TMTC4: variants seen among roughly 807,000 people sequenced by gnomAD.
TMTC4 encodes the protein protein O-mannosyl-transferase TMTC4.
Under a neutral mutation model 86.0 loss-of-function variants are expected in TMTC4, and 65 were observed. The ratio of observed to expected loss-of-function variants is 0.76; its 90% CI spans 0.62 to 0.93. The LOEUF (loss-of-function observed/expected upper bound fraction) is 0.93, where lower values mean the gene tolerates loss of function less well. Ranked by LOEUF, TMTC4 falls within the 40% of genes least tolerant of loss-of-function variation. TMTC4 has a pLI of 0.00. For synonymous variants in TMTC4, 379 were observed against 382.5 expected (o/e 0.99, Z 0.11); for missense variants, 866 against 948.1 (o/e 0.91, Z 1.14).
intron 1 of TMTC4, chr13:100,673,965 T>A (rs2139093233): frequency 1.1e-6 from 1 of 928,758 alleles, no homozygotes; most frequent in South Asian, 4.9e-5. Flanking sequence ...GTGGGATGAC[T>A]CATAGTGGCT....
At chr13:100,624,361 A>T (rs919291297) in intron 15 of TMTC4, 1 of 149,838 alleles carries the variant, frequency 6.7e-6, no homozygotes, top group African/African-American at 2.4e-5. Context: ...AAATAAAAAA[A>T]AAATAAAAAA....
At chr13:100,644,174 C>T (rs138842979) in intron 6 of TMTC4, among the ~76,000 whole-genome samples, 2,840 of 147,020 alleles carry the variant, frequency 0.019, 34 homozygotes, top group Middle Eastern at 0.047. Context: ...GGCACGATCT[C>T]GGGTCACTGC....
At chr13:100,606,894 G>T (rs976220989) in intron 17 of TMTC4, among the ~76,000 whole-genome samples, 2 of 152,178 alleles carry the variant, frequency 1.3e-5, no homozygotes, top group Non-Finnish European at 2.9e-5. Context: ...CATCTGGAAA[G>T]AATGTGCAGA....
chr13:100,616,827 G>T (rs1365331381), intron 15 of TMTC4, among the ~76,000 whole-genome samples: 2 of 152,150 alleles, frequency 1.3e-5, no homozygotes, highest in African/African-American at 4.8e-5. Flanking sequence ...CTTTTGAGAA[G>T]TGTCTGGTCA....
At chr13:100,656,542 CTT>C (rs35563246) in intron 5 of TMTC4, 74 bp from the exon 6 acceptor site, 13,350 of 378,380 alleles carry the variant, frequency 0.035, no homozygotes, top group South Asian at 0.044. Flanking sequence ...GGAGACATAA[CTT>C]TTTTTTTTTT....
chr13:100,674,476 G>C, intron 1 of TMTC4: 1 of 921,896 alleles, frequency 1.1e-6, no homozygotes, highest in Non-Finnish European at 1.3e-6. Flanking sequence ...AGAAGCTCAG[G>C]GGCCCGAGCG....
intron 1 of TMTC4, 22 bp downstream of exon 1, chr13:100,674,722 C>T (rs1887626027): frequency 2.0e-6 from 2 of 983,406 alleles, no homozygotes; most frequent in Non-Finnish European, 1.2e-6. Context: ...CTCGGCCCTG[C>T]AGGGGCCGCC....
chr13:100,639,339 T>A (rs1361762762), intron 7 of TMTC4, among the ~76,000 whole-genome samples: 1 of 152,250 alleles, frequency 6.6e-6, no homozygotes, highest in African/African-American at 2.4e-5. Flanking sequence ...TTCACCCATG[T>A]GAGACATGAT....
At chr13:100,608,452 CA>C (rs1371432685) in intron 17 of TMTC4, among the ~76,000 whole-genome samples, 1 of 152,074 alleles carries the variant, frequency 6.6e-6, no homozygotes, top group East Asian at 1.9e-4. Flanking sequence ...GCCAGGGCAA[CA>C]AAAACACGAC....
At position 100,642,168 on chromosome 13, in the gene TMTC4, G is replaced by T. The variant is rs753906734; in HGVS notation, c.741+43C>A. 3.7e-6 allele frequency: 6 copies of T among 1,602,220 alleles called. No homozygotes were observed. The East Asian group carries it at 6.7e-5, about 18-fold the overall frequency. On this transcript the variant is annotated intron_variant, in intron 7 of 18. Coordinates refer to ENST00000342624, the MANE Select transcript of TMTC4 (RefSeq NM_032813.5). ...CAGATGTCTTTATAGGAGGGAAAAG[G>T]ACACACAGAAAAAGCAGGCCCCAGC...
chr13:100,643,960 G>C (rs538645505), intron 6 of TMTC4, among the ~76,000 whole-genome samples: 12 of 152,288 alleles, frequency 7.9e-5, no homozygotes, highest in Non-Finnish European at 1.3e-4. Flanking sequence ...AAGTGTTTGT[G>C]TGTGTCCTGC....
At chr13:100,621,188 C>T (rs988383133) in intron 15 of TMTC4, among the ~76,000 whole-genome samples, 2 of 152,204 alleles carry the variant, frequency 1.3e-5, no homozygotes, top group African/African-American at 2.4e-5. Flanking sequence ...TTATATTCTC[C>T]GTTCCTCCCT....
chr13:100,653,809 G>GC (rs1344541976), intron 6 of TMTC4, among the ~76,000 whole-genome samples: 4 of 152,336 alleles, frequency 2.6e-5, no homozygotes, highest in African/African-American at 9.6e-5. Context: ...CTCAAAGCCT[G>GC]CCAGGGCAGG....
chr13:100,646,573 T>C (rs896817069), intron 6 of TMTC4, among the ~76,000 whole-genome samples: 1 of 152,188 alleles, frequency 6.6e-6, no homozygotes, highest in African/African-American at 2.4e-5. Flanking sequence ...TGTTAGATTA[T>C]TCTAAATGCT....
At chr13:100,620,651 G>A (rs143627477) in intron 15 of TMTC4, among the ~76,000 whole-genome samples, 111 of 152,048 alleles carry the variant, frequency 7.3e-4, no homozygotes, top group African/African-American at 2.7e-3. Context: ...ATTGTCTTCC[G>A]CAATCCCTCT....
At position 100,663,060 on chromosome 13, in the gene TMTC4, C is replaced by T. The variant is rs772292567; in HGVS notation, c.456G>A (p.Leu152=). The T allele has an allele frequency of 1.1e-5, 18 of 1,614,090 alleles. No homozygotes were observed. Among genetic ancestry groups the T allele is most frequent in the East Asian group, 2.2e-5 (1 of 44,896 alleles). ...VDVFSVLFGG[L]QYTSKGRRLH... ...GCCTCCGGCCTTTACTGGTGTACTGCAGGCCGCCAAACAGAACCGAGAAGA... is the reference window on the plus strand; with the variant it reads ...GCCTCCGGCCTTTACTGGTGTACTGTAGGCCGCCAAACAGAACCGAGAAGA... Residue 152 remains leucine, a synonymous_variant, in exon 5 of 19, where the codon CTG becomes CTA. Coordinates refer to ENST00000342624, the MANE Select transcript of TMTC4 (RefSeq NM_032813.5).
Position 100,641,124 on chromosome 13 carries a change from G to A in TMTC4, c.741+1087C>T, listed in dbSNP as rs1461547378. ...AAACAATGTACCCCAAGAGAATACA[G>A]TGTATACACATATTACACACAGAGA... On this transcript the variant is annotated intron_variant, in intron 7 of 18. Coordinates refer to ENST00000342624, the MANE Select transcript of TMTC4 (RefSeq NM_032813.5). Among the ~76,000 whole-genome samples the A allele has an allele frequency of 6.6e-5, 10 of 151,988 alleles. No homozygotes were observed. In the South Asian group the frequency reaches 2.1e-3, roughly 31 times the overall value.
chr13:100,629,440 C>A (rs1349124255), intron 12 of TMTC4, among the ~76,000 whole-genome samples: 1 of 152,102 alleles, frequency 6.6e-6, no homozygotes, highest in African/African-American at 2.4e-5. Context: ...GCTGCTGTGA[C>A]CCTCTCTTCT....
intron 6 of TMTC4, among the ~76,000 whole-genome samples, chr13:100,648,899 A>G (rs1433070484): frequency 6.6e-6 from 1 of 151,980 alleles, no homozygotes; most frequent in Non-Finnish European, 1.5e-5. Flanking sequence ...ATATTGCCCA[A>G]GCTGGTCTCA....
Sources: gnomAD v4.1 joint callset for allele counts (sites outside exome capture counted in the v4.1 genomes callset) on GRCh38, gnomAD v4.1.1 for gene constraint, MANE v1.5 for transcripts, NCBI Gene and HGNC (gene_info 2026-07-23, HGNC 2026-07-21) for gene names.